Variants in FRY observed in about 807,000 individuals in gnomAD.
FRY encodes the protein protein furry homolog.
FRY carries 128 observed loss-of-function variants against 348.4 expected under a neutral mutation model. The ratio of observed to expected loss-of-function variants is 0.37; its 90% CI spans 0.32 to 0.43. The LOEUF (loss-of-function observed/expected upper bound fraction) is 0.43. Ranked by LOEUF, FRY falls within the 20% of genes least tolerant of loss-of-function variation. The probability of loss-of-function intolerance (pLI) is 1.00; values close to 1 mark genes in which losing one functional copy is unlikely to be tolerated. For synonymous variants in FRY, 1,370 were observed against 1,374.7 expected (o/e 1.00, Z 0.08); for missense variants, 2,736 against 3,695.2 (o/e 0.74, Z 6.73).
chr13:32,054,589 A>G (rs1336044991), intron 1 of FRY, among the ~76,000 whole-genome samples: 1 of 152,118 alleles, frequency 6.6e-6, no homozygotes, highest in East Asian at 1.9e-4. Flanking sequence ...AAGGTAAGAA[A>G]CAGGCTGGGC....
intron 4 of FRY, among the ~76,000 whole-genome samples, chr13:32,119,290 T>C (rs931753646): frequency 6.6e-6 from 1 of 152,174 alleles, no homozygotes. Flanking sequence ...CATAAACTAC[T>C]GAAAATAGAT....
At chr13:32,274,508 T>C (rs865977993) in intron 55 of FRY, among the ~76,000 whole-genome samples, 9 of 151,650 alleles carry the variant, frequency 5.9e-5, no homozygotes, top group South Asian at 4.2e-4. Context: ...ATCGAGACCA[T>C]CCTGGCTAAC....
Position 32,239,662 on chromosome 13 carries a change from C to T in FRY, c.6517-49C>T. The T allele has an allele frequency of 7.8e-7, 1 of 1,287,698 alleles. No individual in the cohort carries two copies. 79.8% of individuals were successfully genotyped at this position (1,287,698 alleles called of 1,614,324 possible). ...TATAGTAAAATTGCTAACATTTCTT[C>T]CTATTCATTGGGCTATTTTATTCCT... On this transcript the variant is annotated intron_variant, in intron 45 of 60. Coordinates refer to ENST00000542859, the MANE Select transcript of FRY (RefSeq NM_023037.3). This position sits in a 1 kb window ranked among gnomAD's most constrained non-coding sequence, Gnocchi z 4.3.
chr13:32,256,875 C>T (rs1402215684), intron 51 of FRY, among the ~76,000 whole-genome samples: 1 of 152,182 alleles, frequency 6.6e-6, no homozygotes, highest in Non-Finnish European at 1.5e-5. Context: ...AAATCCTAAA[C>T]TTTTTGAACA....
In FRY at chr13:32,211,002, C is replaced by T. The variant is rs369334917; in HGVS notation, c.4559C>T (p.Thr1520Met). 6.2e-6 allele frequency: 10 copies of T among 1,613,904 alleles called. No individual in the cohort carries two copies. The highest frequency in any genetic ancestry group is 4.5e-5 in the East Asian group (2 of 44,902). Reference sequence around the variant, plus strand: ...GACAACCCGCCCTTCTACCGCTTCACGGCCAGTAGCAAGGCTTCCGCAGCA... The same window carrying T: ...GACAACCCGCCCTTCTACCGCTTCATGGCCAGTAGCAAGGCTTCCGCAGCA... ...HCDNPPFYRFTASSKASAAAS... is the reference protein window; with the variant it reads ...HCDNPPFYRFMASSKASAAAS... The change falls in exon 34 of 61, where the codon ACG (threonine) becomes ATG (methionine). Residue 1520 changes from threonine to methionine, a missense_variant. By Grantham distance (81) the Thr-to-Met change is moderately conservative. Transcript: ENST00000542859.
chr13:32,225,141 G>T (rs1428943584), intron 38 of FRY, 105 bp downstream of exon 38: 1 of 752,406 alleles, frequency 1.3e-6, no homozygotes, highest in East Asian at 2.6e-5. Flanking sequence ...ACTCATTTCG[G>T]GAATATTCTA....
chr13:32,170,360 A>C (rs1881985775), intron 17 of FRY, among the ~76,000 whole-genome samples: 1 of 152,186 alleles, frequency 6.6e-6, no homozygotes, highest in Non-Finnish European at 1.5e-5. Flanking sequence ...AACCGGTGAA[A>C]TCTGAGTAAA....
rs752459894 is a variant in FRY, at chr13:32,178,834, A to C, written c.2682-10A>C. The C allele has an allele frequency of 4.4e-6, 7 of 1,595,712 alleles. No individual in the cohort carries two copies. The South Asian group carries it at 7.7e-5, about 18-fold the overall frequency. On this transcript the variant is annotated splice_polypyrimidine_tract_variant and intron_variant, in intron 21 of 60. Transcript: ENST00000542859. Reference sequence around the variant, plus strand: ...TAGTTTCACTCTTGTTTTCGACTCCATATTTCTAGTAGCCCAATTAATGCC... The same window carrying C: ...TAGTTTCACTCTTGTTTTCGACTCCCTATTTCTAGTAGCCCAATTAATGCC...
In FRY at chr13:32,225,769, A is replaced by T. The variant is rs372017175; in HGVS notation, c.5021-20A>T. On this transcript the variant is annotated intron_variant, in intron 38 of 60. Coordinates refer to ENST00000542859, the MANE Select transcript of FRY (RefSeq NM_023037.3). ...GAGCTTAACGTTTGTTTATACTTAG[A>T]TTCTACTGTTTTGTTCCAGGTTTAG... The T allele has an allele frequency of 4.4e-6, 7 of 1,593,742 alleles. No homozygotes were observed. Among genetic ancestry groups the T allele is most frequent in the East Asian group, 2.2e-5 (1 of 44,796 alleles).
intron 1 of FRY, among the ~76,000 whole-genome samples, chr13:32,034,442 G>A (rs1399147233): frequency 1.3e-5 from 2 of 152,136 alleles, no homozygotes; most frequent in African/African-American, 4.8e-5. Flanking sequence ...ACTCTGTCAT[G>A]CTGCCCTTTG....
At chr13:32,133,980 A>G (rs1212939278) in intron 8 of FRY, among the ~76,000 whole-genome samples, 1 of 151,614 alleles carries the variant, frequency 6.6e-6, no homozygotes, top group African/African-American at 2.4e-5. Flanking sequence ...GGGTTTGGCC[A>G]TGTCACCCAG....
At chr13:32,234,079 G>A (rs1235349532) in intron 41 of FRY, among the ~76,000 whole-genome samples, 1 of 138,242 alleles carries the variant, frequency 7.2e-6, no homozygotes, top group Non-Finnish European at 1.5e-5. Flanking sequence ...GGGCCCAGGA[G>A]TTCATGACCA....
chr13:32,079,692 T>C (rs1347004651), intron 2 of FRY, among the ~76,000 whole-genome samples: 3 of 152,108 alleles, frequency 2.0e-5, no homozygotes, highest in African/African-American at 4.8e-5. Flanking sequence ...ATTGCTCTAA[T>C]AGGACTCTAA....
intron 14 of FRY, among the ~76,000 whole-genome samples, chr13:32,155,047 T>C (rs1383134612): frequency 6.6e-6 from 1 of 152,230 alleles, no homozygotes; most frequent in Non-Finnish European, 1.5e-5. Context: ...TGAGAGCGGG[T>C]GATGTTCATT....
chr13:32,049,637 C>T (rs1480033735), intron 1 of FRY, among the ~76,000 whole-genome samples: 1 of 152,118 alleles, frequency 6.6e-6, no homozygotes. Flanking sequence ...TGATCACATC[C>T]CAGCAAATTC....
At chr13:32,163,034 G>C (rs1037759216) in intron 17 of FRY, among the ~76,000 whole-genome samples, 1 of 152,172 alleles carries the variant, frequency 6.6e-6, no homozygotes, top group Admixed American at 6.5e-5. Flanking sequence ...GACTAAGACT[G>C]TAAGGGTCAT....
chr13:32,107,849 G>T (rs1877669677), intron 3 of FRY, among the ~76,000 whole-genome samples: 1 of 152,124 alleles, frequency 6.6e-6, no homozygotes, highest in African/African-American at 2.4e-5. Context: ...TAGTGATAAA[G>T]TCATACCAGT....
intron 4 of FRY, among the ~76,000 whole-genome samples, chr13:32,122,343 T>C (rs1216373179): frequency 1.3e-5 from 2 of 150,880 alleles, no homozygotes; most frequent in Admixed American, 1.3e-4. Context: ...CTCGGGAGGC[T>C]GAGGCGGGAT....
At chr13:32,185,176 C>T (rs544116338) in intron 26 of FRY, 28 bp downstream of exon 26, 1 of 1,603,600 alleles carries the variant, frequency 6.2e-7, no homozygotes, top group South Asian at 1.1e-5. Flanking sequence ...AAGAAATTAC[C>T]ATTCATGCTT....
Sources: gnomAD v4.1 joint callset for allele counts (sites outside exome capture counted in the v4.1 genomes callset) on GRCh38, gnomAD v4.1.1 for gene constraint, Gnocchi (gnomAD v3.1) non-coding constraint, MANE v1.5 for transcripts, NCBI Gene and HGNC (gene_info 2026-07-23, HGNC 2026-07-21) for gene names.